Variants in ASB14 observed in about 807,000 individuals in gnomAD.
ASB14 encodes the protein ankyrin repeat and SOCS box protein 14.
In ASB14, 63 loss-of-function variants were observed where a neutral mutation model predicts 55.6. The ratio of observed to expected loss-of-function variants is 1.13; its 90% confidence interval spans 0.92 to 1.40. ASB14 has a LOEUF of 1.40. ASB14 is among the 40% of genes most tolerant of loss of function. The probability of loss-of-function intolerance (pLI) is 0.00; values close to 1 mark genes in which losing one functional copy is unlikely to be tolerated. For synonymous variants in ASB14, 256 were observed against 259.9 expected, an observed-to-expected ratio of 0.98 and a Z score of 0.15; for missense variants, 724 against 710.4, an observed-to-expected ratio of 1.02 and a Z score of -0.22.
intron 2 of ASB14, among the ~76,000 whole-genome samples, chr3:57,289,731 C>T (rs1171566998): frequency 4.2e-5 from 5 of 118,854 alleles, no homozygotes; most frequent in East Asian, 3.2e-4. Context: ...CTGTCTCTGT[C>T]GCCCAGACTG....
In ASB14 at chr3:57,288,001, CA is replaced by C. The variant is rs770471078; in HGVS notation, c.368del (p.Leu123TrpfsTer8). On this transcript the variant is annotated frameshift_variant, in exon 5 of 11. Coordinates refer to ENST00000487349, the MANE Select transcript of ASB14 (RefSeq NM_001142733.3). LOFTEE classifies it high-confidence loss of function. ...TTHNGETPLF[L>X]AVSSCLLENA... ...TTTCTAAGAGGCAACTGCTGACAGC[CA>C]AAAAAAGTGGCGTTTCACCATTGTG... 5.9e-6 allele frequency: 9 copies of C among 1,536,886 alleles called. No individual in the cohort carries two copies. Among genetic ancestry groups the C allele is most frequent in the Non-Finnish European group, 7.0e-6 (8 of 1,146,830 alleles).
chr3:57,269,400 C>A lies in ASB14; in HGVS notation c.*241G>T. On this transcript the variant is annotated 3_prime_UTR_variant, in exon 11 of 11. Transcript: ENST00000487349. ...TTGGTGTTGTATTGTTTGGGTGTAG[C>A]TTTTCTTTTTATCAAGTTGTCAGAA... 2 of 772,618 alleles carry A rather than the reference C, an allele frequency of 2.6e-6. No individual in the cohort carries two copies. Among genetic ancestry groups the A allele is most frequent in the South Asian group, 3.1e-5 (1 of 32,660 alleles). The allele number at this position is 772,618 out of a possible 1,614,324, so 47.9% of individuals were successfully genotyped here.
chr3:57,272,831 C>A (rs945872772), intron 10 of ASB14: 1 of 152,180 alleles, frequency 6.6e-6, no homozygotes, highest in African/African-American at 2.4e-5. Context: ...GATCTCCTGA[C>A]CTCATGATCC....
chr3:57,269,160 T>C lies in ASB14; in HGVS notation c.*481A>G. On this transcript the variant is annotated 3_prime_UTR_variant, in exon 11 of 11. Transcript: ENST00000487349. ...AGGCTGAGGGAAGGTGACACCTGAT[T>C]TAGCAAAGATGAATTGGACAGGGAT... 6.2e-6 allele frequency: 1 copy of C among 161,364 alleles called. No homozygotes were observed. The highest frequency in any genetic ancestry group is 1.9e-4 in the South Asian group (1 of 5,390). The allele number at this position is 161,364 out of a possible 1,614,324, so 10.0% of individuals were successfully genotyped here.
chr3:57,286,538 C>G lies in ASB14; in HGVS notation c.469+1363G>C, dbSNP rs1006801660. Among the ~76,000 whole-genome samples the G allele has an allele frequency of 2.0e-5, 3 of 152,178 alleles. No homozygotes were observed. The East Asian group carries it at 5.8e-4, about 29-fold the overall frequency. On this transcript the variant is annotated intron_variant, in intron 5 of 10. Transcript: ENST00000487349. ...TCCTAAAACATCTAACTTTATCCAT[C>G]TCGCTATTCAATCACTAATTATTGG...
intron 7 of ASB14, among the ~76,000 whole-genome samples, chr3:57,279,802 C>T (rs765684966): frequency 6.6e-6 from 1 of 152,066 alleles, no homozygotes; most frequent in African/African-American, 2.4e-5. Context: ...GCTGAATTCT[C>T]TCAGAGTAGG....
At position 57,277,877 on chromosome 3, in the gene ASB14, C is replaced by T; in HGVS notation, c.1475G>A (p.Gly492Glu). 1 of 1,613,818 alleles carries T rather than the reference C, an allele frequency of 6.2e-7. No homozygotes were observed. Residue 492 changes from glycine to glutamate, a missense_variant, in exon 9 of 11, where the codon GGA (glycine) becomes GAA (glutamate). Gly to Glu is a moderately conservative substitution (Grantham distance 98, BLOSUM62 -2). Transcript: ENST00000487349. ...ATCAAGCATCACTCGAACAACCTTT[C>T]CAGAGAGATGTTGCAGCCATGACAA... ...ITLSWLQHLSGKVVRVMLDYV... is the reference protein window; with the variant it reads ...ITLSWLQHLSEKVVRVMLDYV...
rs1350742791 is a variant in ASB14, at chr3:57,288,051, G to A, written c.319C>T (p.Pro107Ser). Residue 107 changes from proline to serine, a missense_variant, in exon 5 of 11, where the codon CCC (proline) becomes TCC (serine). Pro to Ser is a moderately conservative substitution (Grantham distance 74). Coordinates refer to ENST00000487349, the MANE Select transcript of ASB14 (RefSeq NM_001142733.3). ...TGAGTGGTTTGCTCCCACAGACTGG[G>A]GTCTGAAGCTGAAATAAATTCATCA... is the stretch of plus-strand genomic sequence containing the variant. The part of the protein sequence containing the change: ...ILEITLSASD[P>S]SLWEQTTHNG... The A allele has an allele frequency of 6.5e-7, 1 of 1,537,112 alleles. No individual in the cohort carries two copies. Among genetic ancestry groups the A allele is most frequent in the East Asian group, 2.4e-5 (1 of 40,910 alleles).
Position 57,269,558 on chromosome 3 carries a change from T to G in ASB14, c.*83A>C. ...TCCACTAGGACTTGGAAGAACAAAG[T>G]CGGTTGATAGCTGCTTCCAGTAGAC... is the stretch of plus-strand genomic sequence containing the variant. On this transcript the variant is annotated 3_prime_UTR_variant, in exon 11 of 11. Transcript: ENST00000487349. The G allele has an allele frequency of 6.2e-7, 1 of 1,613,880 alleles. No individual in the cohort carries two copies. Among genetic ancestry groups the G allele is most frequent in the African/African-American group, 1.3e-5 (1 of 75,050 alleles).
chr3:57,278,521 G>T lies in ASB14; in HGVS notation c.1287C>A (p.Tyr429Ter), dbSNP rs780878668. 6.2e-7 allele frequency: 1 copy of T among 1,614,190 alleles called. No homozygotes were observed. Among genetic ancestry groups the T allele is most frequent in the Non-Finnish European group, 8.5e-7 (1 of 1,180,028 alleles). ...NPLHFPSALQ[Y>*]TLKDEVMLRM... ...TGAGCATGACTTCATCTTTCAGAGTGTATTGCAGTGCTGATGGGAAATGTA... is the reference window on the plus strand; with the variant it reads ...TGAGCATGACTTCATCTTTCAGAGTTTATTGCAGTGCTGATGGGAAATGTA... Residue 429 changes from tyrosine to a stop codon, truncating the protein, a stop_gained, in exon 8 of 11, where the codon TAC (tyrosine) becomes TAA (stop). Transcript: ENST00000487349. LOFTEE classifies it high-confidence loss of function.
intron 10 of ASB14, among the ~76,000 whole-genome samples, chr3:57,274,117 T>A (rs1274215895): frequency 6.6e-6 from 1 of 152,184 alleles, no homozygotes; most frequent in East Asian, 1.9e-4. Context: ...ATTTAAAGTC[T>A]GTGCTTACTG....
intron 10 of ASB14, 144 bp from the exon 11 acceptor site, chr3:57,269,762 T>C: frequency 6.7e-7 from 1 of 1,485,068 alleles, no homozygotes; most frequent in Non-Finnish European, 9.3e-7. Context: ...GTAACAACTA[T>C]GTTGAAATAT....
chr3:57,289,497 G>A (rs1239332885), intron 2 of ASB14, among the ~76,000 whole-genome samples: 1 of 152,090 alleles, frequency 6.6e-6, no homozygotes, highest in African/African-American at 2.4e-5. Flanking sequence ...GAATGTCAAC[G>A]ATTCTAGCAG....
intron 3 of ASB14, 33 bp from the exon 4 acceptor site, chr3:57,288,319 T>A: frequency 1.3e-6 from 2 of 1,534,186 alleles, no homozygotes; most frequent in Middle Eastern, 1.7e-4. Flanking sequence ...CAGATTCACA[T>A]TTGGCACACT....
rs866153338 is a variant in ASB14, at chr3:57,288,954, G to A, written c.178+114C>T. 5.4e-6 allele frequency: 4 copies of A among 744,772 alleles called. No individual in the cohort carries two copies. The Middle Eastern group carries it at 9.5e-4, about 178-fold the overall frequency. The allele number at this position is 744,772 out of a possible 1,614,324, so 46.1% of individuals were successfully genotyped here. ...GCTGGTCTCGAACTCCTGACCTCAG[G>A]CGATCCACCCACCTTGGCCTCCCAA... On this transcript the variant is annotated intron_variant, in intron 3 of 10. Coordinates refer to ENST00000487349, the MANE Select transcript of ASB14 (RefSeq NM_001142733.3).
intron 8 of ASB14, 64 bp from the exon 9 acceptor site, chr3:57,277,984 A>G: frequency 2.1e-6 from 3 of 1,451,078 alleles, no homozygotes; most frequent in Admixed American, 3.9e-5. Context: ...ATGGTTTAGC[A>G]TAGTAGTCAA....
At chr3:57,283,040 G>T in intron 6 of ASB14, 154 bp downstream of exon 6, 2 of 1,102,088 alleles carry the variant, frequency 1.8e-6, no homozygotes, top group Non-Finnish European at 1.3e-6. Flanking sequence ...TTTATGTTAG[G>T]CTTCTCAGTA....
At position 57,286,426 on chromosome 3, in the gene ASB14, T is replaced by A. The variant is rs188654267; in HGVS notation, c.469+1475A>T. On this transcript the variant is annotated intron_variant, in intron 5 of 10. Transcript: ENST00000487349. ...CTACATGTTACATTTTAAAGAACTT[T>A]TTGTTACACAAAATTCTCTAATAAT... 2.1e-5 allele frequency among the ~76,000 whole-genome samples: 3 copies of A among 140,992 alleles called. No homozygotes were observed. In the East Asian group the frequency reaches 5.8e-4, roughly 27 times the overall value. 92.5% of individuals were successfully genotyped at this position (140,992 alleles called of 152,430 possible). A position where few individuals can be genotyped will look rare whatever the true frequency, so the allele number is the denominator to read the frequency against.
At chr3:57,282,380 GCTT>G (rs1165156160) in intron 6 of ASB14, among the ~76,000 whole-genome samples, 2 of 151,962 alleles carry the variant, frequency 1.3e-5, no homozygotes, top group Admixed American at 6.6e-5. Flanking sequence ...GTAAAAATTT[GCTT>G]TTTTGAAAAA....
Sources: allele counts gnomAD v4.1 joint callset (sites outside exome capture counted in the v4.1 genomes callset), GRCh38; gene constraint gnomAD v4.1.1; transcripts MANE v1.5; gene names NCBI Gene and HGNC (gene_info 2026-07-23, HGNC 2026-07-21).